NEK10: variants seen among roughly 807,000 people sequenced by gnomAD.
The protein encoded by NEK10 is NIMA related kinase 10, also known as serine/threonine-protein kinase Nek10.
NEK10 carries 122 observed loss-of-function variants against 159.8 expected under a neutral mutation model. The ratio of observed to expected loss-of-function variants is 0.76; its 90% confidence interval spans 0.66 to 0.89. NEK10 has a LOEUF of 0.89. Ranked by LOEUF, NEK10 falls within the 40% of genes least tolerant of loss-of-function variation. The pLI, the probability that NEK10 is intolerant of heterozygous loss-of-function variation, is 0.00. For synonymous variants in NEK10, 466 were observed against 457.1 expected, an observed-to-expected ratio of 1.02 and a Z score of -0.25; for missense variants, 1,342 against 1,323.1, an observed-to-expected ratio of 1.01 and a Z score of -0.22.
chr3:27,201,986 T>TAA (rs200886257), intron 24 of NEK10, among the ~76,000 whole-genome samples: 2 of 147,848 alleles, frequency 1.4e-5, no homozygotes, highest in Admixed American at 6.7e-5. Context: ...TGGTGAAACC[T>TAA]AAAAAAAAAA....
intron 1 of NEK10, among the ~76,000 whole-genome samples, chr3:27,362,060 G>A (rs560146515): frequency 6.6e-6 from 1 of 152,248 alleles, no homozygotes; most frequent in East Asian, 1.9e-4. Context: ...GTGTCAAAAA[G>A]CAGAAAAAAA....
chr3:27,303,494 T>C (rs2043994111), intron 12 of NEK10, among the ~76,000 whole-genome samples: 1 of 152,170 alleles, frequency 6.6e-6, no homozygotes, highest in Admixed American at 6.5e-5. Flanking sequence ...AAAAAACCTT[T>C]GGCAATTGTA....
In NEK10 at chr3:27,280,877, T is replaced by C. The variant is rs376938073; in HGVS notation, c.2014+3725A>G. Among the ~76,000 whole-genome samples the C allele has an allele frequency of 1.5e-4, 23 of 150,686 alleles. No individual in the cohort carries two copies. In the South Asian group the frequency reaches 4.6e-3, roughly 30 times the overall value. On this transcript the variant is annotated intron_variant, in intron 22 of 35. Transcript: ENST00000691995. ...ACTGTTTAGTTATATATGTTTTATA[T>C]GTGTGTGTGTATATGTGTGTGTATA...
intron 35 of NEK10, among the ~76,000 whole-genome samples, chr3:27,113,369 T>C (rs1209707715): frequency 6.7e-6 from 1 of 148,306 alleles, no homozygotes; most frequent in Non-Finnish European, 1.5e-5. Flanking sequence ...AGGTGGAGTT[T>C]GTAGTGAGCC....
intron 30 of NEK10, among the ~76,000 whole-genome samples, chr3:27,160,949 A>G (rs1278177703): frequency 1.3e-5 from 2 of 152,176 alleles, no homozygotes; most frequent in African/African-American, 2.4e-5. Context: ...ACAAGTTTTA[A>G]CAATATATGA....
chr3:27,119,712 A>T (rs767467978), intron 33 of NEK10, 48 bp downstream of exon 33: 2 of 1,387,474 alleles, frequency 1.4e-6, no homozygotes, highest in Non-Finnish European at 2.0e-6. Flanking sequence ...TGATCCAAAC[A>T]ATATATTTCT....
intron 25 of NEK10, among the ~76,000 whole-genome samples, chr3:27,196,233 A>C (rs1184353293): frequency 6.6e-6 from 1 of 152,132 alleles, no homozygotes; most frequent in Non-Finnish European, 1.5e-5. Context: ...TGCAGCCCCC[A>C]GTCAAGTACC....
chr3:27,171,383 G>C (rs1946968154), intron 29 of NEK10, among the ~76,000 whole-genome samples: 1 of 152,108 alleles, frequency 6.6e-6, no homozygotes, highest in African/African-American at 2.4e-5. Flanking sequence ...AAAGGAAGAG[G>C]GGTGTCTCTA....
At chr3:27,180,466 G>T (rs1947970117) in intron 26 of NEK10, among the ~76,000 whole-genome samples, 2 of 151,374 alleles carry the variant, frequency 1.3e-5, no homozygotes, top group East Asian at 3.9e-4. Flanking sequence ...GGGAAGGGAA[G>T]GAACAATGTA....
At chr3:27,140,951 T>A (rs1301457298) in intron 31 of NEK10, among the ~76,000 whole-genome samples, 1 of 152,196 alleles carries the variant, frequency 6.6e-6, no homozygotes, top group Non-Finnish European at 1.5e-5. Context: ...TTCAAGTTAT[T>A]TCTAGACATA....
intron 11 of NEK10, 103 bp downstream of exon 11, chr3:27,307,756 T>C (rs763064134): frequency 7.3e-6 from 5 of 689,296 alleles, no homozygotes; most frequent in Non-Finnish European, 1.3e-5. Flanking sequence ...TGACTCATCA[T>C]ATTCAGTTAC....
chr3:27,147,780 C>A (rs1944443305), intron 30 of NEK10, among the ~76,000 whole-genome samples: 1 of 152,142 alleles, frequency 6.6e-6, no homozygotes, highest in Non-Finnish European at 1.5e-5. Flanking sequence ...AGAACTTGAT[C>A]ACAAAAATGG....
intron 22 of NEK10, among the ~76,000 whole-genome samples, chr3:27,258,214 T>C (rs554205838): frequency 2.0e-5 from 3 of 152,264 alleles, no homozygotes; most frequent in African/African-American, 7.2e-5. Flanking sequence ...ATGTCATGTA[T>C]GTATTATATA....
Position 27,192,085 on chromosome 3 carries a change from T to A in NEK10, c.2449A>T (p.Met817Leu). The A allele has an allele frequency of 6.2e-7, 1 of 1,614,214 alleles. No individual in the cohort carries two copies. Among genetic ancestry groups the A allele is most frequent in the Non-Finnish European group, 8.5e-7 (1 of 1,180,028 alleles). ...RERRRTQRYF[M>L]EANRNTVTCH... ...GTGACGGTGTTCCGGTTGGCTTCCA[T>A]AAAATACCTTTGTGTGCGTCTTCGT... Residue 817 changes from methionine (M) to leucine (L), a missense_variant, in exon 26 of 36, where the codon ATG (methionine) becomes TTG (leucine). Coordinates refer to ENST00000691995, the MANE Select transcript of NEK10 (RefSeq NM_001394966.1).
intron 32 of NEK10, among the ~76,000 whole-genome samples, chr3:27,130,427 C>T (rs2125510976): frequency 6.6e-6 from 1 of 152,104 alleles, no homozygotes; most frequent in Middle Eastern, 3.4e-3. Flanking sequence ...GAGAATTTAA[C>T]AAACAAAATC....
At chr3:27,354,358 G>A (rs888414131) in intron 1 of NEK10, among the ~76,000 whole-genome samples, 6 of 152,104 alleles carry the variant, frequency 3.9e-5, no homozygotes, top group African/African-American at 1.2e-4. Flanking sequence ...TGATCTAATC[G>A]TTATATCTGT....
chr3:27,186,840 G>A (rs1948666997), intron 26 of NEK10, among the ~76,000 whole-genome samples: 1 of 152,154 alleles, frequency 6.6e-6, no homozygotes, highest in South Asian at 2.1e-4. Context: ...GTCCCCTAGT[G>A]CCAGTGAGTT....
intron 23 of NEK10, among the ~76,000 whole-genome samples, chr3:27,238,506 A>C (rs2149247926): frequency 6.6e-6 from 1 of 152,152 alleles, no homozygotes; most frequent in East Asian, 1.9e-4. Flanking sequence ...TCAGATTTGA[A>C]GTTTTGTTGT....
At chr3:27,180,959 C>T (rs1384458033) in intron 26 of NEK10, among the ~76,000 whole-genome samples, 1 of 152,156 alleles carries the variant, frequency 6.6e-6, no homozygotes, top group African/African-American at 2.4e-5. Context: ...GCATGTCCAA[C>T]TGTCTCTCCC....
Sources: allele counts gnomAD v4.1 joint callset (sites outside exome capture counted in the v4.1 genomes callset), GRCh38; gene constraint gnomAD v4.1.1; transcripts MANE v1.5; gene names NCBI Gene and HGNC (gene_info 2026-07-23, HGNC 2026-07-21).